The following ADNP2 variants were observed in gnomAD, a reference collection of about 807,000 sequenced individuals.
ADNP2 encodes ADNP homeobox 2.
ADNP2 carries 8 observed loss-of-function variants against 16.4 expected under a neutral mutation model. That is an observed-to-expected ratio of 0.49 (90% CI 0.29 to 0.88). The LOEUF (loss-of-function observed/expected upper bound fraction) is 0.88. Among genes scored for constraint, ADNP2 ranks in the 40% least tolerant of loss-of-function variants. ADNP2 has a pLI of 0.09. For synonymous variants in ADNP2, 637 were observed against 545.8 expected (o/e 1.17, Z -2.33); for missense variants, 1,397 against 1,395.1 (o/e 1.00, Z -0.02).
rs141228317 is a variant in ADNP2, at chr18:80,123,742, T to C, written c.108+6092T>C. On this transcript the variant is annotated intron_variant, in intron 2 of 3. Transcript: ENST00000262198. ...TTCTTTCTTTAATTTTTTTTTTCTT[T>C]TTTTGGAGACAGAGTCTCGCTCTGT... Among the ~76,000 whole-genome samples the C allele has an allele frequency of 6.5e-4, 99 of 151,802 alleles. 1 individual carries two copies. In the East Asian group the frequency reaches 0.017, roughly 26 times the overall value.
intron 1 of ADNP2, among the ~76,000 whole-genome samples, chr18:80,117,056 T>C (rs890696286): frequency 6.6e-6 from 1 of 152,196 alleles, no homozygotes. Context: ...GATACAAGAG[T>C]TATCTGTATT....
chr18:80,118,840 A>G (rs2052405850), intron 2 of ADNP2, among the ~76,000 whole-genome samples: 1 of 152,216 alleles, frequency 6.6e-6, no homozygotes. Flanking sequence ...AGGGAAAATT[A>G]AGAGATTTGA....
At chr18:80,129,025 T>G (rs965130410) in intron 2 of ADNP2, among the ~76,000 whole-genome samples, 6 of 152,148 alleles carry the variant, frequency 3.9e-5, no homozygotes, top group Non-Finnish European at 7.4e-5. Context: ...TGTTCTGTCT[T>G]GTCATGTATT....
chr18:80,115,081 T>C (rs1480364663), intron 1 of ADNP2, among the ~76,000 whole-genome samples: 1 of 152,226 alleles, frequency 6.6e-6, no homozygotes, highest in Non-Finnish European at 1.5e-5. Context: ...CATTAGATGC[T>C]GCCACTTTTG....
rs1350795832 is a variant in ADNP2 at position 80,136,908 on chromosome 18, C to T, written c.1495C>T (p.Pro499Ser). ...VGQTAPSRVLPPGQTAPLRVI... is the reference protein window; with the variant it reads ...VGQTAPSRVLSPGQTAPLRVI... ...CCAGACAGCTCCGTCACGGGTTCTT[C>T]CCCCAGGCCAGACAGCCCCATTGAG... The change falls in exon 4 of 4, where the codon CCC becomes TCC. Residue 499 changes from proline to serine, a missense_variant. Physicochemically the swap from Pro to Ser is moderately conservative, Grantham distance 74 (BLOSUM62 -1). Coordinates refer to ENST00000262198, the MANE Select transcript of ADNP2 (RefSeq NM_014913.4). 4 of 1,613,980 alleles carry T rather than the reference C, an allele frequency of 2.5e-6. No homozygotes were observed. The highest frequency in any genetic ancestry group is 1.3e-5 in the African/African-American group (1 of 74,914).
chr18:80,120,236 G>A (rs2052415581), intron 2 of ADNP2, among the ~76,000 whole-genome samples: 1 of 152,170 alleles, frequency 6.6e-6, no homozygotes, highest in Non-Finnish European at 1.5e-5. Context: ...AAGAATTCAC[G>A]ATGGTTACCA....
intron 2 of ADNP2, among the ~76,000 whole-genome samples, chr18:80,130,062 T>C (rs2052486338): frequency 6.6e-6 from 1 of 152,196 alleles, no homozygotes; most frequent in South Asian, 2.1e-4. Flanking sequence ...TGAAATGCCT[T>C]TTTTTCTGAC....
chr18:80,138,272 G>A lies in ADNP2; in HGVS notation c.2859G>A (p.Pro953=). The change falls in exon 4 of 4, where the codon CCG becomes CCA. Residue 953 remains proline, a synonymous_variant. Coordinates refer to ENST00000262198, the MANE Select transcript of ADNP2 (RefSeq NM_014913.4). ...KDSSSDLQAQ[P]GFIHNSELLL... ...GCAGCTCAGACCTGCAGGCCCAGCC[G>A]GGTTTTATTCACAACAGTGAACTGC... The A allele has an allele frequency of 1.2e-6, 2 of 1,614,112 alleles. No individual in the cohort carries two copies. The highest frequency in any genetic ancestry group is 2.2e-5 in the East Asian group (1 of 44,882).
intron 2 of ADNP2, among the ~76,000 whole-genome samples, chr18:80,119,084 C>T (rs375903055): frequency 1.3e-5 from 2 of 152,036 alleles, no homozygotes; most frequent in African/African-American, 2.4e-5. Context: ...TTTTTAAAAA[C>T]GGGATATATT....
intron 1 of ADNP2, among the ~76,000 whole-genome samples, chr18:80,112,146 A>G (rs906308149): frequency 1.1e-4 from 17 of 152,224 alleles, no homozygotes; most frequent in Admixed American, 2.6e-4. Flanking sequence ...TCTATGGAGA[A>G]CAGTATCTAT....
Position 80,137,129 on chromosome 18 carries a change from C to A in ADNP2, c.1716C>A (p.Gly572=). 1 of 1,614,198 alleles carries A rather than the reference C, an allele frequency of 6.2e-7. No homozygotes were observed. The highest frequency in any genetic ancestry group is 8.5e-7 in the Non-Finnish European group (1 of 1,180,034). Residue 572 remains glycine, a synonymous_variant, in exon 4 of 4, where the codon GGC becomes GGA. Transcript: ENST00000262198. This position sits in a 1 kb window ranked among gnomAD's most constrained non-coding sequence, Gnocchi z 4.2. ...PGVLQLNQTV[G]TNILPVNQPV... ...TCTTGCAACTCAACCAGACTGTGGG[C>A]ACCAACATTCTGCCTGTGAATCAGC...
At chr18:80,116,081 A>G (rs969797449) in intron 1 of ADNP2, among the ~76,000 whole-genome samples, 1 of 152,152 alleles carries the variant, frequency 6.6e-6, no homozygotes, top group East Asian at 1.9e-4. Flanking sequence ...TGTGCTTTCT[A>G]TGGATTTGCC....
chr18:80,123,393 G>C (rs973528104), intron 2 of ADNP2, among the ~76,000 whole-genome samples: 4 of 151,790 alleles, frequency 2.6e-5, no homozygotes. Context: ...TTTTTTGAGA[G>C]GGAGTTGCGT....
At chr18:80,122,882 T>C (rs535263737) in intron 2 of ADNP2, among the ~76,000 whole-genome samples, 45 of 152,240 alleles carry the variant, frequency 3.0e-4, no homozygotes, top group Non-Finnish European at 6.3e-4. Context: ...CCTTGTCTTG[T>C]TCCTGATATT....
At chr18:80,114,430 A>T (rs1019893131) in intron 1 of ADNP2, among the ~76,000 whole-genome samples, 3 of 152,188 alleles carry the variant, frequency 2.0e-5, no homozygotes, top group Non-Finnish European at 4.4e-5. Flanking sequence ...TAGCCTACAC[A>T]TTTAAATTTT....
chr18:80,117,692 T>G, intron 2 of ADNP2, 42 bp downstream of exon 2: 1 of 1,486,248 alleles, frequency 6.7e-7, no homozygotes, highest in Non-Finnish European at 9.2e-7. Flanking sequence ...GGAGGTGAGA[T>G]TTGAACTCGG....
rs2052547293 is a variant in ADNP2 at position 80,137,371 on chromosome 18, C to T, written c.1958C>T (p.Ala653Val). ...CCGTCAGGTGCAGCTGCACCAATGG[C>T]CGGTTCCATGCCCGGCATGCCCTCT... is the stretch of plus-strand genomic sequence containing the variant. ...LLPSGAAAPM[A>V]GSMPGMPSPP... The change falls in exon 4 of 4, where the codon GCC (alanine) becomes GTC (valine). Residue 653 changes from alanine to valine, a missense_variant. Ala to Val is a moderately conservative substitution (Grantham distance 64). This residue lies in a region of ADNP2 where 611 missense variants were observed against 648.7 expected (regional missense o/e 0.94). Transcript: ENST00000262198. The surrounding 1 kb of genome is among the most constrained non-coding windows in gnomAD (Gnocchi z 4.2). 1.2e-6 allele frequency: 2 copies of T among 1,614,168 alleles called. No individual in the cohort carries two copies. Among genetic ancestry groups the T allele is most frequent in the Non-Finnish European group, 1.7e-6 (2 of 1,180,036 alleles).
intron 2 of ADNP2, among the ~76,000 whole-genome samples, chr18:80,131,326 T>G (rs1037031429): frequency 1.3e-5 from 2 of 151,924 alleles, no homozygotes; most frequent in Non-Finnish European, 2.9e-5. Context: ...CCTGACACCC[T>G]TGTCTACACT....
rs576866641 is a variant in ADNP2, at chr18:80,136,291, A to G, written c.878A>G (p.His293Arg). Residue 293 changes from histidine (H) to arginine (R), a missense_variant, in exon 4 of 4, where the codon CAT becomes CGT. Around this residue, in one of 3 missense-constraint regions of ADNP2, gnomAD observed 777 missense variants for 719.4 expected, o/e 1.08. Coordinates refer to ENST00000262198, the MANE Select transcript of ADNP2 (RefSeq NM_014913.4). ...GCTCCAGCGCAGCCTCCTTGCTTCC[A>G]TCTTGCTTTGCCACAGAACAGTCCA... ...PSAPAQPPCFHLALPQNSPSP... is the reference protein window; with the variant it reads ...PSAPAQPPCFRLALPQNSPSP... The G allele has an allele frequency of 5.6e-6, 9 of 1,613,652 alleles. No individual in the cohort carries two copies. Among genetic ancestry groups the G allele is most frequent in the East Asian group, 2.2e-5 (1 of 44,868 alleles).
Sources: allele counts gnomAD v4.1 joint callset (sites outside exome capture counted in the v4.1 genomes callset), GRCh38; gene constraint gnomAD v4.1.1; regional missense constraint gnomAD v4.1.1; non-coding constraint Gnocchi (gnomAD v3.1); transcripts MANE v1.5; gene names NCBI Gene and HGNC (gene_info 2026-07-23, HGNC 2026-07-21).